Variants in OR56A3 observed in about 807,000 individuals in gnomAD.
OR56A3 encodes olfactory receptor 56A3.
OR56A3 carries 23 observed loss-of-function variants against 17.5 expected under a neutral mutation model. The observed-to-expected ratio is 1.32, with a 90% CI of 0.95 to 1.87. The LOEUF is 1.87. Among genes scored for constraint, OR56A3 ranks in the 40% most tolerant of loss-of-function variants. OR56A3 has a pLI of 0.00. For missense variants in OR56A3, 366 were observed against 380.1 expected (o/e 0.96, Z 0.31); for synonymous variants, 175 against 150.6 (o/e 1.16, Z -1.19).
At chr11:5,956,184 T>G (rs951516363), downstream of OR56A3, among the ~76,000 whole-genome samples, 1 of 152,262 alleles carries the variant, frequency 6.6e-6, no homozygotes, top group Non-Finnish European at 1.5e-5. Flanking sequence ...AAGATGTATT[T>G]GATGAATCCA....
chr11:5,968,537 T>C, the OR56A3 span: 8 of 1,306,486 alleles, frequency 6.1e-6, no homozygotes, highest in South Asian at 1.3e-5. Context: ...GAAATTGTGT[T>C]TGATAAGACA....
At chr11:5,992,450 T>G in the OR56A3 span, among the ~76,000 whole-genome samples, 2 of 152,214 alleles carry the variant, frequency 1.3e-5, no homozygotes, top group Admixed American at 6.5e-5. Flanking sequence ...AATTTCTTCT[T>G]CTGCTTCATT....
chr11:5,950,117 T>C lies in OR56A3; in HGVS notation c.*1823T>C, dbSNP rs1223355648. On this transcript the variant is annotated 3_prime_UTR_variant, in exon 3 of 3. Coordinates refer to ENST00000641160, the MANE Select transcript of OR56A3 (RefSeq NM_001003443.3). ...AAGGTAAATTTAAGCCACCACCTCT[T>C]AGGAAATATTAAAAATCTGAAAGTT... is the stretch of plus-strand genomic sequence containing the variant. The C allele has an allele frequency of 6.6e-6, 1 of 152,164 alleles. No homozygotes were observed. Among genetic ancestry groups the C allele is most frequent in the East Asian group, 1.9e-4 (1 of 5,198 alleles). 9.4% of individuals were successfully genotyped at this position (152,164 alleles called of 1,614,324 possible).
downstream of OR56A3, among the ~76,000 whole-genome samples, chr11:5,955,870 A>G (rs541805484): frequency 2.9e-4 from 44 of 152,338 alleles, no homozygotes; most frequent in South Asian, 6.2e-4. Context: ...ATTATTTGCC[A>G]TATAGCCTCC....
downstream of OR56A3, among the ~76,000 whole-genome samples, chr11:5,953,446 C>G (rs1313464406): frequency 6.6e-6 from 1 of 152,108 alleles, no homozygotes; most frequent in African/African-American, 2.4e-5. Context: ...ATTTGTATGT[C>G]TTCTTTTGAA....
At chr11:5,989,152 C>T in the OR56A3 span, among the ~76,000 whole-genome samples, 1 of 152,200 alleles carries the variant, frequency 6.6e-6, no homozygotes, top group Non-Finnish European at 1.5e-5. Context: ...ATTGAGACAT[C>T]CAGGGGAATC....
rs1341766352 is a variant in OR56A3 at position 5,948,239 on chromosome 11, T to C, written c.893T>C (p.Val298Ala). 6.2e-7 allele frequency: 1 copy of C among 1,614,160 alleles called. No individual in the cohort carries two copies. The highest frequency in any genetic ancestry group is 1.1e-5 in the South Asian group (1 of 91,084). The change falls in exon 3 of 3, where the codon GTG (valine) becomes GCG (alanine). Residue 298 changes from valine to alanine, a missense_variant. By Grantham distance (64) the Val-to-Ala change is moderately conservative. Coordinates refer to ENST00000641160, the MANE Select transcript of OR56A3 (RefSeq NM_001003443.3). The part of the protein sequence containing the change: ...PAALNPIIYG[V>A]RTQEIKQGMQ... ...GCCCTTAACCCCATCATTTACGGGG[T>C]GAGAACCCAAGAAATTAAGCAGGGA...
At chr11:5,972,945 C>A in the OR56A3 span, among the ~76,000 whole-genome samples, 1 of 152,190 alleles carries the variant, frequency 6.6e-6, no homozygotes, top group African/African-American at 2.4e-5. Context: ...CATCTGACTA[C>A]TTGACTACAC....
At chr11:5,972,840 G>A in the OR56A3 span, among the ~76,000 whole-genome samples, 1 of 152,110 alleles carries the variant, frequency 6.6e-6, no homozygotes, top group Non-Finnish European at 1.5e-5. Context: ...CAAGAAATCC[G>A]CCTGCCTCGG....
the OR56A3 span, among the ~76,000 whole-genome samples, chr11:5,981,415 T>G: frequency 6.6e-6 from 1 of 152,248 alleles, no homozygotes; most frequent in Non-Finnish European, 1.5e-5. Flanking sequence ...ACAGTAATCT[T>G]CAAGCTCTGA....
the OR56A3 span, among the ~76,000 whole-genome samples, chr11:5,980,669 C>G: frequency 6.6e-6 from 1 of 151,774 alleles, no homozygotes; most frequent in African/African-American, 2.4e-5. Flanking sequence ...GGGTTTTTAC[C>G]CCATTTATTC....
chr11:6,012,907 G>A, the OR56A3 span, among the ~76,000 whole-genome samples: 1 of 152,276 alleles, frequency 6.6e-6, no homozygotes, highest in Non-Finnish European at 1.5e-5. Context: ...TAGCACCCAA[G>A]CTCAGCCCCA....
the OR56A3 span, chr11:5,999,736 C>T: frequency 6.6e-6 from 1 of 152,158 alleles, no homozygotes; most frequent in Non-Finnish European, 1.5e-5. Context: ...TTGTTCAACA[C>T]ATTTTTATTT....
the OR56A3 span, among the ~76,000 whole-genome samples, chr11:5,960,790 C>G: frequency 6.6e-6 from 1 of 151,856 alleles, no homozygotes; most frequent in African/African-American, 2.4e-5. Context: ...GTCTTCCCGG[C>G]CGTCATCCCA....
chr11:5,947,818 C>T lies in OR56A3; in HGVS notation c.472C>T (p.Leu158Phe), dbSNP rs201417208. 163 of 1,614,068 alleles carry T rather than the reference C, an allele frequency of 1.0e-4. No individual in the cohort carries two copies. Among genetic ancestry groups the T allele is most frequent in the Non-Finnish European group, 1.3e-4 (154 of 1,180,024 alleles). Residue 158 changes from leucine to phenylalanine, a missense_variant, in exon 3 of 3, where the codon CTT (leucine) becomes TTT (phenylalanine). By Grantham distance (22) the Leu-to-Phe change is conservative. Coordinates refer to ENST00000641160, the MANE Select transcript of OR56A3 (RefSeq NM_001003443.3). ...AAMFILTRNVLMTLPIPILSA... is the reference protein window; with the variant it reads ...AAMFILTRNVFMTLPIPILSA... ...CATGTTTATTTTGACCAGAAATGTG[C>T]TTATGACTCTGCCCATCCCCATCCT...
the OR56A3 span, among the ~76,000 whole-genome samples, chr11:5,985,067 G>A: frequency 7.2e-5 from 11 of 152,238 alleles, no homozygotes; most frequent in African/African-American, 2.4e-4. Flanking sequence ...ATTTCCAAAA[G>A]AGAAACCCAT....
At chr11:5,994,674 A>G in the OR56A3 span, 1 of 807,882 alleles carries the variant, frequency 1.2e-6, no homozygotes, top group Non-Finnish European at 2.2e-6. Flanking sequence ...TTGATTCTAA[A>G]GTCATCAGCA....
rs996712842 is a variant in OR56A3 at position 5,950,317 on chromosome 11, C to T, written c.*2023C>T. The T allele has an allele frequency of 6.6e-6, 1 of 152,064 alleles. No individual in the cohort carries two copies. The highest frequency in any genetic ancestry group is 2.4e-5 in the African/African-American group (1 of 41,416). 9.4% of individuals were successfully genotyped at this position (152,064 alleles called of 1,614,324 possible). On this transcript the variant is annotated 3_prime_UTR_variant, in exon 3 of 3. Transcript: ENST00000641160. The stretch of plus-strand genomic sequence containing the variant: ...TGAGGGATTTAGAGTACATACCTCC[C>T]TGAGATTAAGAAAATTTTCCATAAG...
chr11:6,011,787 G>A, the OR56A3 span, among the ~76,000 whole-genome samples: 5 of 152,208 alleles, frequency 3.3e-5, no homozygotes, highest in Admixed American at 3.3e-4. Flanking sequence ...GCAGTGAGGG[G>A]TGGGTGTGAG....
Sources: allele counts gnomAD v4.1 joint callset (sites outside exome capture counted in the v4.1 genomes callset), GRCh38; gene constraint gnomAD v4.1.1; transcripts MANE v1.5; gene names NCBI Gene and HGNC (gene_info 2026-07-23, HGNC 2026-07-21).